The following RIT2 variants were observed in gnomAD, a reference collection of about 807,000 sequenced individuals.
The protein encoded by RIT2 is GTP-binding protein Rit2.
RIT2 carries 24 observed loss-of-function variants against 23.7 expected under a neutral mutation model. The observed-to-expected ratio is 1.01, with a 90% CI of 0.73 to 1.43. The LOEUF (loss-of-function observed/expected upper bound fraction) is 1.43, where lower values mean the gene tolerates loss of function less well. Ranked by LOEUF, RIT2 falls within the 40% of genes most tolerant of loss-of-function variation. RIT2 has a pLI of 0.00. For missense variants in RIT2, 236 were observed against 266.9 expected (o/e 0.88, Z 0.81); for synonymous variants, 107 against 91.1 (o/e 1.17, Z -0.99).
chr18:42,993,340 T>C (rs1382063054), intron 2 of RIT2, among the ~76,000 whole-genome samples: 1 of 152,220 alleles, frequency 6.6e-6, no homozygotes, highest in African/African-American at 2.4e-5. Context: ...CTCAGCTTAG[T>C]GGCTGAAGAC....
chr18:42,915,023 T>A (rs761599983), intron 4 of RIT2, among the ~76,000 whole-genome samples: 6 of 151,812 alleles, frequency 4.0e-5, no homozygotes, highest in Non-Finnish European at 8.8e-5. Flanking sequence ...AAAATAATAG[T>A]ACTCCATGAA....
intron 4 of RIT2, among the ~76,000 whole-genome samples, chr18:42,762,476 TC>T (rs1913324415): frequency 6.6e-6 from 1 of 152,144 alleles, no homozygotes; most frequent in African/African-American, 2.4e-5. Context: ...ATCATTACAT[TC>T]TAACAAAAAG....
chr18:43,112,446 A>G (rs987991866), intron 1 of RIT2, among the ~76,000 whole-genome samples: 3 of 152,212 alleles, frequency 2.0e-5, no homozygotes, highest in Non-Finnish European at 4.4e-5. Context: ...TGTGCATAAT[A>G]CGTGCTCAGT....
intron 2 of RIT2, among the ~76,000 whole-genome samples, chr18:42,991,995 C>A (rs117816386): frequency 6.6e-6 from 1 of 152,040 alleles, no homozygotes; most frequent in Non-Finnish European, 1.5e-5. Flanking sequence ...TTCTGCACCC[C>A]GACCTCTTAT....
At chr18:43,030,989 C>T (rs935659318) in intron 2 of RIT2, among the ~76,000 whole-genome samples, 2 of 151,898 alleles carry the variant, frequency 1.3e-5, no homozygotes, top group Non-Finnish European at 2.9e-5. Flanking sequence ...GGTATCTAAA[C>T]CCTTAGCCAG....
intron 4 of RIT2, among the ~76,000 whole-genome samples, chr18:42,768,680 T>A (rs889250912): frequency 6.6e-6 from 1 of 152,132 alleles, no homozygotes; most frequent in South Asian, 2.1e-4. Flanking sequence ...AGGAAAGATA[T>A]CCCATTTCCT....
chr18:43,004,393 A>C (rs1454619092), intron 2 of RIT2, among the ~76,000 whole-genome samples: 1 of 151,830 alleles, frequency 6.6e-6, no homozygotes, highest in Non-Finnish European at 1.5e-5. Flanking sequence ...CGTGACCCAT[A>C]ATCCTTAGCT....
At chr18:42,880,708 C>T (rs1907866036) in intron 4 of RIT2, among the ~76,000 whole-genome samples, 1 of 151,450 alleles carries the variant, frequency 6.6e-6, no homozygotes, top group Non-Finnish European at 1.5e-5. Flanking sequence ...ACTTTGAAAT[C>T]AGAATCTTGA....
chr18:42,921,025 G>T (rs1393721338), intron 4 of RIT2, among the ~76,000 whole-genome samples: 1 of 151,842 alleles, frequency 6.6e-6, no homozygotes, highest in Non-Finnish European at 1.5e-5. Context: ...CAGTGTTTTA[G>T]TCTTAATTTT....
intron 1 of RIT2, among the ~76,000 whole-genome samples, chr18:43,082,378 T>C (rs141147748): frequency 0.012 from 1,883 of 152,266 alleles, 22 homozygotes; most frequent in African/African-American, 0.033. Flanking sequence ...AGTCATTATA[T>C]GAGGCCAGCA....
intron 4 of RIT2, among the ~76,000 whole-genome samples, chr18:42,919,701 G>A (rs571968097): frequency 5.3e-4 from 80 of 151,676 alleles, no homozygotes; most frequent in African/African-American, 1.8e-3. Flanking sequence ...GTGACAGAGC[G>A]AGACTCCATC....
At position 43,115,608 on chromosome 18, in the gene RIT2, C is replaced by G; in HGVS notation, c.-89G>C. 1 of 1,505,364 alleles carries G rather than the reference C, an allele frequency of 6.6e-7. No homozygotes were observed. Among genetic ancestry groups the G allele is most frequent in the Non-Finnish European group, 8.8e-7 (1 of 1,135,394 alleles). 93.3% of individuals were successfully genotyped at this position (1,505,364 alleles called of 1,614,324 possible). ...ATATTAAGCAACTCTAAAACTGTGT[C>G]AAAGCAAAGGTTTTAGTACGAGGTA... On this transcript the variant is annotated 5_prime_UTR_variant, in exon 1 of 5. Transcript: ENST00000326695.
At chr18:43,080,554 C>T (rs1339157314) in intron 1 of RIT2, among the ~76,000 whole-genome samples, 1 of 152,162 alleles carries the variant, frequency 6.6e-6, no homozygotes, top group Admixed American at 6.5e-5. Flanking sequence ...CTCCCTTCTG[C>T]CCCCTTATTG....
At chr18:43,018,786 C>T (rs771052129) in intron 2 of RIT2, among the ~76,000 whole-genome samples, 7 of 151,956 alleles carry the variant, frequency 4.6e-5, no homozygotes, top group Admixed American at 1.3e-4. Flanking sequence ...ACTAGACTAG[C>T]CCCGCAAGAA....
chr18:42,936,032 G>A (rs900150284), intron 3 of RIT2, among the ~76,000 whole-genome samples: 4 of 151,476 alleles, frequency 2.6e-5, no homozygotes, highest in African/African-American at 9.7e-5. Context: ...GGTGCAGGGA[G>A]CAGCTTTTGA....
intron 1 of RIT2, among the ~76,000 whole-genome samples, chr18:43,055,449 A>G (rs1245999196): frequency 6.6e-6 from 1 of 152,024 alleles, no homozygotes. Flanking sequence ...AGTTAAGACA[A>G]TCTCTCAACT....
At chr18:42,966,328 T>C (rs1430606595) in intron 3 of RIT2, among the ~76,000 whole-genome samples, 1 of 152,176 alleles carries the variant, frequency 6.6e-6, no homozygotes, top group Non-Finnish European at 1.5e-5. Flanking sequence ...AAGAAATGAA[T>C]GTTGAGAGAT....
intron 1 of RIT2, among the ~76,000 whole-genome samples, chr18:43,038,330 C>A (rs1342716329): frequency 6.9e-5 from 7 of 100,802 alleles, no homozygotes; most frequent in Non-Finnish European, 1.3e-4. Context: ...TTTTTTTTTA[C>A]ATATTGTTGT....
intron 2 of RIT2, among the ~76,000 whole-genome samples, chr18:42,975,398 T>A (rs1360986805): frequency 2.0e-5 from 3 of 152,126 alleles, no homozygotes; most frequent in African/African-American, 7.2e-5. Flanking sequence ...ATTAGCTTTT[T>A]GATGTGCTGC....
Sources: allele counts gnomAD v4.1 joint callset (sites outside exome capture counted in the v4.1 genomes callset), GRCh38; gene constraint gnomAD v4.1.1; transcripts MANE v1.5; gene names NCBI Gene and HGNC (gene_info 2026-07-23, HGNC 2026-07-21).